The following NCAM2 variants were observed in gnomAD, a reference collection of about 807,000 sequenced individuals.
NCAM2 encodes neural cell adhesion molecule 2.
NCAM2 carries 30 observed loss-of-function variants against 98.1 expected under a neutral mutation model. The observed-to-expected ratio is 0.31, with a 90% CI of 0.23 to 0.41. NCAM2 has a LOEUF of 0.41. Among genes scored for constraint, NCAM2 ranks in the 10% least tolerant of loss-of-function variants. The pLI is 1.00. For synonymous variants in NCAM2, 368 were observed against 342.4 expected, an observed-to-expected ratio of 1.07 and a Z score of -0.83; for missense variants, 867 against 1,005.8, an observed-to-expected ratio of 0.86 and a Z score of 1.87.
At position 21,111,528 on chromosome 21, in the gene NCAM2, G is replaced by A. The variant is rs529417302; in HGVS notation, c.55+112910G>A. Among the ~76,000 whole-genome samples, 11 of 152,200 alleles carry A rather than the reference G, an allele frequency of 7.2e-5. No individual in the cohort carries two copies. The East Asian group carries it at 7.7e-4, about 11-fold the overall frequency. ...CCAAGAGGGCAGGGCTCCAGAAGCC[G>A]AATGCAGGCAGTGCAAGGAGAGAGA... On this transcript the variant is annotated intron_variant, in intron 1 of 17. Transcript: ENST00000400546.
intron 8 of NCAM2, among the ~76,000 whole-genome samples, chr21:21,363,534 A>T (rs2075702873): frequency 6.6e-6 from 1 of 152,060 alleles, no homozygotes. Flanking sequence ...AATTTTCTAG[A>T]CCATTTCTGC....
intron 6 of NCAM2, 49 bp from the exon 7 acceptor site, chr21:21,335,456 A>G (rs768257549): frequency 6.7e-7 from 1 of 1,487,330 alleles, no homozygotes. Flanking sequence ...AAAATCTACT[A>G]AATTATAAAG....
chr21:21,005,825 A>C, intron 1 of NCAM2, among the ~76,000 whole-genome samples: 1 of 151,924 alleles, frequency 6.6e-6, no homozygotes. Context: ...AAAAAACCCT[A>C]AAAACTGACA....
intron 1 of NCAM2, among the ~76,000 whole-genome samples, chr21:21,115,147 T>G (rs904926387): frequency 6.6e-6 from 1 of 152,132 alleles, no homozygotes; most frequent in African/African-American, 2.4e-5. Context: ...AAGATGCAAT[T>G]TTCCTGAGTG....
rs1555885311 is a variant in NCAM2, at chr21:21,385,669, G to A, written c.1195+11656G>A. 21 of 1,285,580 alleles carry A rather than the reference G, an allele frequency of 1.6e-5. No individual in the cohort carries two copies. The South Asian group carries it at 2.4e-4, about 14-fold the overall frequency. 79.6% of individuals were successfully genotyped at this position (1,285,580 alleles called of 1,614,324 possible). A position where few individuals can be genotyped will look rare whatever the true frequency, so the allele number is the denominator to read the frequency against. ...CATTTCCGAGGCGTTACTTTACTAA[G>A]AAGCAGGAATTGAACTAAACTTCCA... On this transcript the variant is annotated intron_variant, in intron 9 of 17. Coordinates refer to ENST00000400546, the MANE Select transcript of NCAM2 (RefSeq NM_004540.5).
intron 16 of NCAM2, among the ~76,000 whole-genome samples, chr21:21,527,213 G>T: frequency 6.6e-6 from 1 of 151,642 alleles, no homozygotes. Context: ...CCAGGTTCAA[G>T]TGATTCTCCT....
At chr21:21,182,028 TA>T (rs746308686) in intron 1 of NCAM2, among the ~76,000 whole-genome samples, 4,544 of 122,332 alleles carry the variant, frequency 0.037, 196 homozygotes, top group African/African-American at 0.12. Context: ...CCACCATCTC[TA>T]AAAAAAAAAA....
chr21:21,010,228 C>T (rs1381905996), intron 1 of NCAM2, among the ~76,000 whole-genome samples: 2 of 152,014 alleles, frequency 1.3e-5, no homozygotes, highest in Non-Finnish European at 2.9e-5. Flanking sequence ...CCCCCTCATA[C>T]ACGCTATGTT....
chr21:21,481,869 C>A (rs1170851600), intron 15 of NCAM2, among the ~76,000 whole-genome samples: 1 of 152,146 alleles, frequency 6.6e-6, no homozygotes, highest in African/African-American at 2.4e-5. Context: ...TTTGGGAAGC[C>A]CAGGCCGGTG....
chr21:21,289,492 A>G (rs1436513172), intron 4 of NCAM2, among the ~76,000 whole-genome samples: 1 of 151,946 alleles, frequency 6.6e-6, no homozygotes, highest in East Asian at 1.9e-4. Context: ...AAATATACAC[A>G]CGTATTAGCC....
At chr21:21,329,193 C>T (rs1056576936) in intron 6 of NCAM2, among the ~76,000 whole-genome samples, 4 of 152,106 alleles carry the variant, frequency 2.6e-5, no homozygotes, top group East Asian at 1.9e-4. Flanking sequence ...GTGATTATCC[C>T]GCGTCCGCCT....
intron 1 of NCAM2, among the ~76,000 whole-genome samples, chr21:21,151,878 A>C (rs1003131895): frequency 6.6e-6 from 1 of 151,856 alleles, no homozygotes. Flanking sequence ...TTTTTTCTCT[A>C]GCTGCTCTCA....
At chr21:21,156,979 T>C (rs1416598982) in intron 1 of NCAM2, among the ~76,000 whole-genome samples, 2 of 152,116 alleles carry the variant, frequency 1.3e-5, no homozygotes, top group Admixed American at 1.3e-4. Context: ...CCAATTATTA[T>C]TGGTAAAAAT....
Position 21,052,477 on chromosome 21 carries a change from A to G in NCAM2, c.55+53859A>G, listed in dbSNP as rs564519011. Among the ~76,000 whole-genome samples, 257 of 152,062 alleles carry G rather than the reference A, an allele frequency of 1.7e-3. 2 individuals are homozygous for G. The highest frequency in any genetic ancestry group is 5.9e-3 in the African/African-American group (245 of 41,448). The stretch of plus-strand genomic sequence containing the variant: ...TTCCAGGTATTTTAGTCCATATTCT[A>G]TTTCAGGTGTGACTTCTATATGTCT... On this transcript the variant is annotated intron_variant, in intron 1 of 17. Coordinates refer to ENST00000400546, the MANE Select transcript of NCAM2 (RefSeq NM_004540.5).
At chr21:21,104,879 T>G (rs866571354) in intron 1 of NCAM2, among the ~76,000 whole-genome samples, 1 of 152,116 alleles carries the variant, frequency 6.6e-6, no homozygotes, top group African/African-American at 2.4e-5. Flanking sequence ...TTTTTCTTAC[T>G]CTTTGATCAC....
intron 8 of NCAM2, among the ~76,000 whole-genome samples, chr21:21,355,698 C>T (rs1037337407): frequency 3.3e-5 from 5 of 151,712 alleles, no homozygotes; most frequent in African/African-American, 1.2e-4. Context: ...TCACTGCAAC[C>T]TCTGCCTCCC....
At chr21:21,111,997 T>C (rs930666326) in intron 1 of NCAM2, among the ~76,000 whole-genome samples, 2 of 152,224 alleles carry the variant, frequency 1.3e-5, no homozygotes, top group Admixed American at 6.5e-5. Context: ...CACATAATTA[T>C]TGCATTAAAG....
chr21:21,029,188 G>T (rs1182516815), intron 1 of NCAM2, among the ~76,000 whole-genome samples: 1 of 152,148 alleles, frequency 6.6e-6, no homozygotes, highest in Non-Finnish European at 1.5e-5. Flanking sequence ...TATTTACAAT[G>T]ATCTTCTTTC....
rs548548342 is a variant in NCAM2 at position 21,127,958 on chromosome 21, T to C, written c.55+129340T>C. Among the ~76,000 whole-genome samples the C allele has an allele frequency of 3.9e-5, 6 of 152,342 alleles. No homozygotes were observed. In the East Asian group the frequency reaches 5.8e-4, roughly 15 times the overall value. The stretch of plus-strand genomic sequence containing the variant: ...ACCTGGCTGACGCCCAGCTCATTGA[T>C]GAGACCTGCAGTTTGTGATGGCCAG... On this transcript the variant is annotated intron_variant, in intron 1 of 17. Transcript: ENST00000400546.
Sources: allele counts gnomAD v4.1 joint callset (sites outside exome capture counted in the v4.1 genomes callset), GRCh38; gene constraint gnomAD v4.1.1; transcripts MANE v1.5; gene names NCBI Gene and HGNC (gene_info 2026-07-23, HGNC 2026-07-21).